The following RPH3AL variants were observed in gnomAD, a reference collection of about 807,000 sequenced individuals.
RPH3AL encodes rabphilin 3A like (without C2 domains), also known as rab effector Noc2.
In RPH3AL, 38 loss-of-function variants were observed where a neutral mutation model predicts 43.1. The observed-to-expected ratio is 0.88, with a 90% CI of 0.68 to 1.15. RPH3AL has a LOEUF of 1.15. Among genes scored for constraint, RPH3AL ranks in the 50% most tolerant of loss-of-function variants. RPH3AL has a pLI of 0.00. For missense variants in RPH3AL, 462 were observed against 423.2 expected, an observed-to-expected ratio of 1.09 and a Z score of -0.81; for synonymous variants, 189 against 176.3, an observed-to-expected ratio of 1.07 and a Z score of -0.57.
rs560285491 is a variant in RPH3AL, at chr17:282,068, C to T, written c.352-214G>A. 2.9e-4 allele frequency among the ~76,000 whole-genome samples: 44 copies of T among 152,226 alleles called. 1 individual carries two copies. The South Asian group carries it at 8.9e-3, about 31-fold the overall frequency. Reference sequence around the variant, plus strand: ...GATGGCCCCATCCACGGAACCCCCACCCCAGAGTTAGGTTCTGTTGGAACC... The same window carrying T: ...GATGGCCCCATCCACGGAACCCCCATCCCAGAGTTAGGTTCTGTTGGAACC... On this transcript the variant is annotated intron_variant, in intron 5 of 9. Coordinates refer to ENST00000331302, the MANE Select transcript of RPH3AL (RefSeq NM_006987.4).
chr17:307,773 G>T (rs553080573), intron 5 of RPH3AL, among the ~76,000 whole-genome samples: 11 of 152,364 alleles, frequency 7.2e-5, no homozygotes, highest in African/African-American at 2.4e-4. Context: ...GTGAACGGAA[G>T]GGGCTCAGCA....
chr17:297,451 A>G (rs981586651), intron 5 of RPH3AL, among the ~76,000 whole-genome samples: 104 of 152,292 alleles, frequency 6.8e-4, no homozygotes, highest in African/African-American at 2.1e-3. Flanking sequence ...GGCGGGGGAC[A>G]GTCCTGGGAC....
At position 225,866 on chromosome 17, in the gene RPH3AL, G is replaced by A. The variant is rs1366324821; in HGVS notation, c.614-6130C>T. On this transcript the variant is annotated intron_variant, in intron 7 of 9. Coordinates refer to ENST00000331302, the MANE Select transcript of RPH3AL (RefSeq NM_006987.4). The surrounding 1 kb of genome is among the most constrained non-coding windows in gnomAD (Gnocchi z 4.4). ...GATGTCAAAGGACTCAGAAGGAGAC[G>A]ATGGGATGGGATGTCCCAGGACTGG... is the stretch of plus-strand genomic sequence containing the variant. 2.0e-5 allele frequency among the ~76,000 whole-genome samples: 3 copies of A among 152,212 alleles called. No homozygotes were observed. The highest frequency in any genetic ancestry group is 1.9e-4 in the East Asian group (1 of 5,192).
chr17:229,270 A>T (rs1404144409), intron 7 of RPH3AL, among the ~76,000 whole-genome samples: 6 of 151,928 alleles, frequency 3.9e-5, no homozygotes. Flanking sequence ...TTCAGGCACC[A>T]CTCGAGGGCA....
At chr17:342,294 A>G (rs565872030) in intron 1 of RPH3AL, among the ~76,000 whole-genome samples, 18 of 152,368 alleles carry the variant, frequency 1.2e-4, no homozygotes, top group African/African-American at 4.3e-4. Context: ...TATGGAAGAC[A>G]GTTTAGTTCC....
intron 6 of RPH3AL, among the ~76,000 whole-genome samples, chr17:273,442 A>G (rs143317502): frequency 0.3 from 171 of 578 alleles, 40 homozygotes; most frequent in African/African-American, 0.56. Context: ...CGACGTCAGG[A>G]AGAGACCCCA....
chr17:327,405 G>A, intron 3 of RPH3AL, 62 bp downstream of exon 3: 1 of 1,420,912 alleles, frequency 7.0e-7, no homozygotes, highest in South Asian at 1.1e-5. Context: ...TCTTGCTGAA[G>A]ACAGGAGAGG....
rs116253764 is a variant in RPH3AL at position 236,031 on chromosome 17, C to T, written c.613+11080G>A. ...TCAAAGCTGGGGTCGGCGGTGGCTC[C>T]GTACTAACAAGACGGGGGTCCCAGG... On this transcript the variant is annotated intron_variant, in intron 7 of 9. Coordinates refer to ENST00000331302, the MANE Select transcript of RPH3AL (RefSeq NM_006987.4). Among the ~76,000 whole-genome samples, 811 of 115,420 alleles carry T rather than the reference C, an allele frequency of 7.0e-3. 108 individuals are homozygous for T. The highest frequency in any genetic ancestry group is 0.025 in the African/African-American group (762 of 30,834). 75.7% of individuals were successfully genotyped at this position (115,420 alleles called of 152,430 possible). A position where few individuals can be genotyped will look rare whatever the true frequency, so the allele number is the denominator to read the frequency against.
intron 1 of RPH3AL, chr17:341,383 A>G (rs548604028): frequency 2.0e-5 from 3 of 152,268 alleles, no homozygotes; most frequent in African/African-American, 7.2e-5. Flanking sequence ...TTCAACAAGG[A>G]TGCCGAGACC....
chr17:246,741 T>C lies in RPH3AL; in HGVS notation c.613+370A>G, dbSNP rs2041774143. On this transcript the variant is annotated intron_variant, in intron 7 of 9. Coordinates refer to ENST00000331302, the MANE Select transcript of RPH3AL (RefSeq NM_006987.4). This position sits in a 1 kb window ranked among gnomAD's most constrained non-coding sequence, Gnocchi z 4.8. Reference sequence around the variant, plus strand: ...ACACAAGGCAAGTGCCAGGAAGAGATGGTGAGGGCCTGCCTGGGAAAGATG... The same window carrying C: ...ACACAAGGCAAGTGCCAGGAAGAGACGGTGAGGGCCTGCCTGGGAAAGATG... Among the ~76,000 whole-genome samples the C allele has an allele frequency of 6.6e-6, 1 of 151,818 alleles. No individual in the cohort carries two copies. Among genetic ancestry groups the C allele is most frequent in the Non-Finnish European group, 1.5e-5 (1 of 67,948 alleles).
At chr17:347,864 T>TA (rs139569759) in intron 1 of RPH3AL, among the ~76,000 whole-genome samples, 4,539 of 151,544 alleles carry the variant, frequency 0.03, 210 homozygotes, top group African/African-American at 0.1. Flanking sequence ...AATTCAGTGA[T>TA]AAAAAAAATG....
intron 1 of RPH3AL, among the ~76,000 whole-genome samples, chr17:334,651 G>A (rs1489213161): frequency 3.0e-5 from 4 of 135,516 alleles, no homozygotes; most frequent in Non-Finnish European, 4.7e-5. Flanking sequence ...TTCTCCCCAC[G>A]CCTTCCCCCA....
chr17:340,256 C>A (rs2045075094), intron 1 of RPH3AL, among the ~76,000 whole-genome samples: 1 of 152,040 alleles, frequency 6.6e-6, no homozygotes, highest in African/African-American at 2.4e-5. Context: ...GCTGGGAGTT[C>A]ATGGCCATCC....
Position 322,774 on chromosome 17 carries a change from A to C in RPH3AL, c.78-1359T>G, listed in dbSNP as rs1269691790. On this transcript the variant is annotated intron_variant, in intron 3 of 9. Transcript: ENST00000331302. This position sits in a 1 kb window ranked among gnomAD's most constrained non-coding sequence, Gnocchi z 4.0. Reference sequence around the variant, plus strand: ...TGCCTGGTCCCGGCTGTTGCAGCTAACGGTTCTCTGTGGCCGACACAATAG... The same window carrying C: ...TGCCTGGTCCCGGCTGTTGCAGCTACCGGTTCTCTGTGGCCGACACAATAG... Among the ~76,000 whole-genome samples the C allele has an allele frequency of 6.6e-6, 1 of 151,902 alleles. No homozygotes were observed.
intron 5 of RPH3AL, among the ~76,000 whole-genome samples, chr17:301,865 A>T (rs4286161): frequency 0.37 from 56,917 of 151,992 alleles, 11,141 homozygotes; most frequent in South Asian, 0.57. Context: ...TCTGAGCGTC[A>T]GTGTCTCCAT....
rs191708911 is a variant in RPH3AL at position 228,193 on chromosome 17, G to C, written c.614-8457C>G. Among the ~76,000 whole-genome samples, 114 of 152,282 alleles carry C rather than the reference G, an allele frequency of 7.5e-4. 1 individual carries two copies. In the Middle Eastern group the frequency reaches 0.014, roughly 18 times the overall value. On this transcript the variant is annotated intron_variant, in intron 7 of 9. Coordinates refer to ENST00000331302, the MANE Select transcript of RPH3AL (RefSeq NM_006987.4). ...GCCACCTCCCAGTGGTATAACTTTA[G>C]GCCAGTTTCCTATTTTTTATTTTTA...
chr17:332,452 C>A (rs1321344630), intron 2 of RPH3AL: 2 of 165,628 alleles, frequency 1.2e-5, no homozygotes, highest in South Asian at 1.5e-4. Context: ...CCCTGCTGGA[C>A]CTTGGGTGCC....
At chr17:286,124 C>T (rs1227853947) in intron 5 of RPH3AL, among the ~76,000 whole-genome samples, 5 of 152,186 alleles carry the variant, frequency 3.3e-5, no homozygotes, top group Non-Finnish European at 2.9e-5. Flanking sequence ...GAAACAGTGC[C>T]GTGGGGGCAG....
intron 3 of RPH3AL, among the ~76,000 whole-genome samples, chr17:326,165 C>A (rs554890461): frequency 6.6e-6 from 1 of 152,362 alleles, no homozygotes; most frequent in African/African-American, 2.4e-5. Context: ...ACGGACCGAC[C>A]TCACCCACTG....
Sources: gnomAD v4.1 joint callset for allele counts (sites outside exome capture counted in the v4.1 genomes callset) on GRCh38, gnomAD v4.1.1 for gene constraint, Gnocchi (gnomAD v3.1) non-coding constraint, MANE v1.5 for transcripts, NCBI Gene and HGNC (gene_info 2026-07-23, HGNC 2026-07-21) for gene names.